LY86: variants seen among roughly 807,000 people sequenced by gnomAD.
The protein encoded by LY86 is MD-1, RP105-associated.
LY86 carries 20 observed loss-of-function variants against 17.3 expected under a neutral mutation model. The ratio of observed to expected loss-of-function variants is 1.15; its 90% CI spans 0.81 to 1.68. The LOEUF is 1.68. LY86 is among the 40% of genes most tolerant of loss of function. LY86 has a pLI of 0.00. For synonymous variants in LY86, 74 were observed against 70.6 expected, an observed-to-expected ratio of 1.05 and a Z score of -0.24; for missense variants, 200 against 191.9, an observed-to-expected ratio of 1.04 and a Z score of -0.25.
intron 1 of LY86, chr6:6,591,567 C>G (rs1262666113): frequency 6.5e-6 from 1 of 153,564 alleles, no homozygotes; most frequent in Non-Finnish European, 1.5e-5. Flanking sequence ...GTGGAGGCCA[C>G]CAGGCTAAGT....
intron 1 of LY86, among the ~76,000 whole-genome samples, chr6:6,605,968 CAA>C (rs144096824): frequency 0.019 from 2,940 of 152,230 alleles, 71 homozygotes; most frequent in East Asian, 0.061. Flanking sequence ...AGCGTGGACC[CAA>C]AGAGCGACCA....
chr6:6,635,427 C>T (rs886078031), intron 3 of LY86, among the ~76,000 whole-genome samples: 1 of 151,864 alleles, frequency 6.6e-6, no homozygotes, highest in African/African-American at 2.4e-5. Context: ...TCCTCTCTGC[C>T]TTTCTCTCTC....
chr6:6,603,072 A>G (rs1760963401), intron 1 of LY86, among the ~76,000 whole-genome samples: 1 of 152,000 alleles, frequency 6.6e-6, no homozygotes, highest in Admixed American at 6.5e-5. Context: ...TGCTTTACAG[A>G]TGGTCCTCCC....
chr6:6,642,184 G>C (rs890305914), intron 3 of LY86, among the ~76,000 whole-genome samples: 2 of 152,258 alleles, frequency 1.3e-5, no homozygotes, highest in African/African-American at 2.4e-5. Flanking sequence ...ATTCAGCCCA[G>C]TCCTTGGCTA....
chr6:6,606,722 CG>C (rs1223844666), intron 1 of LY86, among the ~76,000 whole-genome samples: 2 of 152,206 alleles, frequency 1.3e-5, no homozygotes, highest in African/African-American at 2.4e-5. Context: ...GCAGCACTTG[CG>C]GGGCCCGCTG....
At chr6:6,593,407 C>T (rs1760592501) in intron 1 of LY86, among the ~76,000 whole-genome samples, 3 of 133,464 alleles carry the variant, frequency 2.2e-5, no homozygotes, top group Admixed American at 7.8e-5. Flanking sequence ...TGCAAAGTCT[C>T]TTTTGCCAAG....
intron 3 of LY86, among the ~76,000 whole-genome samples, chr6:6,647,958 A>T (rs1762128400): frequency 6.7e-6 from 1 of 148,246 alleles, no homozygotes. Context: ...AGAGCTCTTC[A>T]ATCATCACAT....
At chr6:6,606,377 C>A (rs148572044) in intron 1 of LY86, among the ~76,000 whole-genome samples, 3,826 of 152,008 alleles carry the variant, frequency 0.025, 156 homozygotes, top group African/African-American at 0.088. Flanking sequence ...TTCTCCAAGT[C>A]CCCCCCAGAC....
intron 1 of LY86, among the ~76,000 whole-genome samples, chr6:6,602,627 G>C (rs2113092582): frequency 6.6e-6 from 1 of 152,284 alleles, no homozygotes; most frequent in East Asian, 1.9e-4. Context: ...AGAAAAAGAA[G>C]CCAGCGCAGG....
chr6:6,611,819 A>G (rs1030363529), intron 1 of LY86, among the ~76,000 whole-genome samples: 1 of 152,226 alleles, frequency 6.6e-6, no homozygotes, highest in African/African-American at 2.4e-5. Flanking sequence ...TCGGACCGAT[A>G]AAATAGCAGG....
At chr6:6,626,983 C>A (rs1170937762) in intron 3 of LY86, among the ~76,000 whole-genome samples, 2 of 152,312 alleles carry the variant, frequency 1.3e-5, no homozygotes, top group East Asian at 3.9e-4. Flanking sequence ...GCCTGCCATA[C>A]AGCCTTGAAG....
intron 1 of LY86, among the ~76,000 whole-genome samples, chr6:6,613,328 G>A (rs1339075454): frequency 6.6e-6 from 1 of 152,246 alleles, no homozygotes; most frequent in Non-Finnish European, 1.5e-5. Context: ...GGAGCAGGGT[G>A]GCGCTGCTCG....
chr6:6,613,374 G>C (rs540743426), intron 1 of LY86, among the ~76,000 whole-genome samples: 1 of 152,144 alleles, frequency 6.6e-6, no homozygotes, highest in Non-Finnish European at 1.5e-5. Flanking sequence ...GCTCACAGCG[G>C]GGGAGTGGGG....
intron 1 of LY86, among the ~76,000 whole-genome samples, chr6:6,616,779 T>C (rs981989367): frequency 2.0e-5 from 3 of 152,252 alleles, no homozygotes; most frequent in Non-Finnish European, 4.4e-5. Context: ...ATTTGCGGCA[T>C]GTCAAGAAAA....
chr6:6,594,857 G>A (rs558469169), intron 1 of LY86, among the ~76,000 whole-genome samples: 35 of 152,212 alleles, frequency 2.3e-4, no homozygotes, highest in African/African-American at 7.2e-4. Flanking sequence ...AAACTGAAGC[G>A]TACACACATT....
At chr6:6,613,623 C>T (rs1431270192) in intron 1 of LY86, among the ~76,000 whole-genome samples, 1 of 152,234 alleles carries the variant, frequency 6.6e-6, no homozygotes, top group Admixed American at 6.5e-5. Flanking sequence ...CCCGCCTGCG[C>T]TTCCCCCTTC....
At chr6:6,638,891 G>A (rs2064232) in intron 3 of LY86, among the ~76,000 whole-genome samples, 5,013 of 140,020 alleles carry the variant, frequency 0.036, 246 homozygotes, top group African/African-American at 0.12. Flanking sequence ...TCCCACCTAT[G>A]AATGAGAACA....
intron 2 of LY86, among the ~76,000 whole-genome samples, 190 bp from the exon 3 acceptor site, chr6:6,626,103 G>A (rs1761781681): frequency 6.6e-6 from 1 of 152,078 alleles, no homozygotes; most frequent in African/African-American, 2.4e-5. Context: ...TCATACGCAG[G>A]GCCCCATCAT....
rs560738993 is a variant in LY86 at position 6,654,600 on chromosome 6, T to G, written c.462T>G (p.Cys154Trp). Residue 154 changes from cysteine to tryptophan, a missense_variant, in exon 5 of 5, where the codon TGT (cysteine) becomes TGG (tryptophan). Coordinates refer to ENST00000230568, the MANE Select transcript of LY86 (RefSeq NM_004271.4). ...LYTEKRSTVA[C>W]ANATIMCS Reference sequence around the variant, plus strand: ...CTGAAAAACGGTCCACCGTGGCCTGTGCCAATGCTACTATCATGTGCTCCT... The same window carrying G: ...CTGAAAAACGGTCCACCGTGGCCTGGGCCAATGCTACTATCATGTGCTCCT... The G allele has an allele frequency of 3.7e-6, 6 of 1,614,178 alleles. No homozygotes were observed. Among genetic ancestry groups the G allele is most frequent in the African/African-American group, 1.3e-5 (1 of 75,048 alleles).
Sources: allele counts gnomAD v4.1 joint callset (sites outside exome capture counted in the v4.1 genomes callset), GRCh38; gene constraint gnomAD v4.1.1; transcripts MANE v1.5; gene names NCBI Gene and HGNC (gene_info 2026-07-23, HGNC 2026-07-21).